The following RGSL1 variants were observed in gnomAD, a reference collection of about 807,000 sequenced individuals.
RGSL1 encodes the protein regulator of G protein signaling like 1, also known as regulator of G protein signaling protein-like.
A neutral mutation model predicts 124.7 loss-of-function variants in RGSL1; 97 were observed. That is an observed-to-expected ratio of 0.78 (90% confidence interval 0.66 to 0.92). The LOEUF (loss-of-function observed/expected upper bound fraction) is 0.92, where lower values mean the gene tolerates loss of function less well. Among genes scored for constraint, RGSL1 ranks in the 40% least tolerant of loss-of-function variants. RGSL1 has a pLI of 0.00. For missense variants in RGSL1, 1,233 were observed against 1,288.4 expected (o/e 0.96, Z 0.66); for synonymous variants, 424 against 438.1 (o/e 0.97, Z 0.40).
chr1:182,508,449 G>A (rs1339559284), intron 9 of RGSL1, among the ~76,000 whole-genome samples: 1 of 151,582 alleles, frequency 6.6e-6, no homozygotes, highest in Non-Finnish European at 1.5e-5. Context: ...ATAGGTGCCT[G>A]CCACCACACC....
chr1:182,535,764 T>C (rs144392498), intron 14 of RGSL1, among the ~76,000 whole-genome samples: 225 of 152,278 alleles, frequency 1.5e-3, no homozygotes, highest in African/African-American at 5.2e-3. Context: ...TTTCTTCCCG[T>C]TTATTTTTAA....
At chr1:182,538,442 T>C (rs1659683465) in intron 14 of RGSL1, among the ~76,000 whole-genome samples, 1 of 151,850 alleles carries the variant, frequency 6.6e-6, no homozygotes, top group Non-Finnish European at 1.5e-5. Context: ...AAAGGAGAAT[T>C]GCTTGAACCC....
chr1:182,460,166 G>C (rs753463880), intron 4 of RGSL1, 33 bp downstream of exon 4: 90 of 1,474,984 alleles, frequency 6.1e-5, no homozygotes, highest in Middle Eastern at 3.9e-4. Context: ...GTGTCTGTGT[G>C]TGTGTGTGTG....
At chr1:182,473,479 C>T (rs1654014564) in intron 5 of RGSL1, 96 bp from the exon 6 acceptor site, 1 of 1,334,732 alleles carries the variant, frequency 7.5e-7, no homozygotes, top group African/African-American at 1.5e-5. Flanking sequence ...ATGCTATATA[C>T]AAAGACATTT....
rs1654063149 is a variant in RGSL1, at chr1:182,473,938, G to A, written c.827G>A (p.Gly276Asp). The change falls in exon 6 of 22, where the codon GGT becomes GAT. Residue 276 changes from glycine (G) to aspartate (D), a missense_variant. Transcript: ENST00000294854. ...LEMDLKPDAI[G>D]MPLQETCPQE... ...ATGGATCTCAAGCCAGATGCTATTGGTATGCCCCTACAGGAGACATGTCCT... is the reference window on the plus strand; with the variant it reads ...ATGGATCTCAAGCCAGATGCTATTGATATGCCCCTACAGGAGACATGTCCT... 1.3e-6 allele frequency: 2 copies of A among 1,552,058 alleles called. No individual in the cohort carries two copies. The highest frequency in any genetic ancestry group is 1.7e-6 in the Non-Finnish European group (2 of 1,147,064).
In RGSL1 at chr1:182,551,184, G is replaced by A. The variant is rs771814294; in HGVS notation, c.3018G>A (p.Thr1006=). 1.0e-5 allele frequency: 16 copies of A among 1,551,334 alleles called. No homozygotes were observed. Among genetic ancestry groups the A allele is most frequent in the South Asian group, 4.8e-5 (4 of 84,062 alleles). Residue 1006 remains threonine (T), a synonymous_variant, in exon 18 of 22, where the codon ACG becomes ACA. Transcript: ENST00000294854. ...ACAGAAAAAGCCCTCCTAAATCTAC[G>A]GACAAGTATCCTTTCTCGAGTGGAG... ...FKDRKSPPKS[T]DKYPFSSGGD... is the part of the protein sequence containing the mutation.
At chr1:182,521,265 C>T (rs953353596) in intron 9 of RGSL1, among the ~76,000 whole-genome samples, 1 of 152,170 alleles carries the variant, frequency 6.6e-6, no homozygotes, top group Admixed American at 6.5e-5. Context: ...GAGATGGAGT[C>T]TCACTGTGTT....
At position 182,521,990 on chromosome 1, in the gene RGSL1, G is replaced by T; in HGVS notation, c.1826-14G>T. ...ATAATATAGTGTTCTCCAACTTAGTGATTTTTTTTTTAGATTTTAAAATGG... is the reference window on the plus strand; with the variant it reads ...ATAATATAGTGTTCTCCAACTTAGTTATTTTTTTTTTAGATTTTAAAATGG... On this transcript the variant is annotated splice_polypyrimidine_tract_variant and intron_variant, in intron 9 of 21. Coordinates refer to ENST00000294854, the MANE Select transcript of RGSL1 (RefSeq NM_001137669.2). The T allele has an allele frequency of 6.8e-7, 1 of 1,465,482 alleles. No homozygotes were observed. The allele number at this position is 1,465,482 out of a possible 1,614,324, so 90.8% of individuals were successfully genotyped here.
chr1:182,473,487 T>G, intron 5 of RGSL1, 88 bp from the exon 6 acceptor site: 1 of 1,385,366 alleles, frequency 7.2e-7, no homozygotes, highest in Non-Finnish European at 9.6e-7. Context: ...TACAAAGACA[T>G]TTGAAAAAAA....
At chr1:182,487,864 G>A (rs1217145548) in intron 6 of RGSL1, among the ~76,000 whole-genome samples, 4 of 152,178 alleles carry the variant, frequency 2.6e-5, no homozygotes, top group African/African-American at 9.7e-5. Context: ...TTGTTTTAAT[G>A]TAATAAAATG....
Position 182,474,134 on chromosome 1 carries a change from C to G in RGSL1, c.1023C>G (p.His341Gln). The G allele has an allele frequency of 6.4e-7, 1 of 1,552,048 alleles. No homozygotes were observed. The highest frequency in any genetic ancestry group is 2.4e-5 in the East Asian group (1 of 40,926). Residue 341 changes from histidine (H) to glutamine (Q), a missense_variant, in exon 6 of 22, where the codon CAC becomes CAG. By Grantham distance (24) the His-to-Gln change is conservative. Coordinates refer to ENST00000294854, the MANE Select transcript of RGSL1 (RefSeq NM_001137669.2). The stretch of plus-strand genomic sequence containing the variant: ...CCTTTGAGACAAAGGTCTCTACCCA[C>G]CTGAGGACTGTCATCCCCATTGTCA... ...EAPFETKVST[H>Q]LRTVIPIVNH...
chr1:182,452,383 A>T (rs1651914854), intron 1 of RGSL1, among the ~76,000 whole-genome samples: 2 of 152,150 alleles, frequency 1.3e-5, no homozygotes, highest in African/African-American at 4.8e-5. Context: ...ACAGCAAGAA[A>T]AAAGATGTAT....
intron 14 of RGSL1, among the ~76,000 whole-genome samples, chr1:182,539,385 A>T (rs76336138): frequency 5.3e-5 from 8 of 152,268 alleles, no homozygotes; most frequent in Non-Finnish European, 1.0e-4. Context: ...AGTGTCTGAG[A>T]CATGACAAGT....
chr1:182,468,325 T>C (rs1002992909), intron 4 of RGSL1, among the ~76,000 whole-genome samples: 5 of 152,240 alleles, frequency 3.3e-5, no homozygotes, highest in African/African-American at 4.8e-5. Flanking sequence ...CACGTATGTT[T>C]ATTTCAGCAC....
intron 4 of RGSL1, among the ~76,000 whole-genome samples, chr1:182,469,666 G>A (rs796355149): frequency 1.3e-5 from 2 of 152,144 alleles, no homozygotes; most frequent in South Asian, 2.1e-4. Flanking sequence ...TACCTCAAAA[G>A]AATTGAAAGC....
intron 20 of RGSL1, chr1:182,555,176 G>T (rs570836444): frequency 7.0e-5 from 11 of 156,224 alleles, no homozygotes; most frequent in Non-Finnish European, 1.4e-5. Context: ...CTATTATTTC[G>T]CGGTCAATGT....
intron 9 of RGSL1, among the ~76,000 whole-genome samples, chr1:182,513,412 T>C (rs939690965): frequency 1.3e-5 from 2 of 152,224 alleles, no homozygotes; most frequent in Non-Finnish European, 2.9e-5. Context: ...GTTAAACATG[T>C]GTATTATACA....
At chr1:182,546,819 G>A (rs1204612098) in intron 15 of RGSL1, among the ~76,000 whole-genome samples, 1 of 152,008 alleles carries the variant, frequency 6.6e-6, no homozygotes, top group African/African-American at 2.4e-5. Flanking sequence ...ACTAATTATA[G>A]CAATTATAGT....
intron 9 of RGSL1, among the ~76,000 whole-genome samples, chr1:182,517,057 T>C (rs1657949133): frequency 6.6e-6 from 1 of 152,194 alleles, no homozygotes; most frequent in Non-Finnish European, 1.5e-5. Flanking sequence ...GAGTCTAGTG[T>C]TGGTGAATTC....
Sources: gnomAD v4.1 joint callset for allele counts (sites outside exome capture counted in the v4.1 genomes callset) on GRCh38, gnomAD v4.1.1 for gene constraint, MANE v1.5 for transcripts, NCBI Gene and HGNC (gene_info 2026-07-23, HGNC 2026-07-21) for gene names.